CSMD1: variants seen among roughly 807,000 people sequenced by gnomAD.
CSMD1 encodes the protein CUB and Sushi multiple domains 1.
CSMD1 carries 213 observed loss-of-function variants against 417.5 expected under a neutral mutation model. That is an observed-to-expected ratio of 0.51 (90% CI 0.46 to 0.57). CSMD1 has a LOEUF of 0.57. CSMD1 is among the 20% of genes least tolerant of loss of function. The pLI is 0.00. For synonymous variants in CSMD1, 2,862 were observed against 1,736.8 expected, an observed-to-expected ratio of 1.65 and a Z score of -16.11; for missense variants, 6,923 against 4,529.7, an observed-to-expected ratio of 1.53 and a Z score of -15.17.
intron 27 of CSMD1, among the ~76,000 whole-genome samples, chr8:3,226,818 A>C (rs1798531703): frequency 6.6e-6 from 1 of 152,158 alleles, no homozygotes; most frequent in Non-Finnish European, 1.5e-5. Flanking sequence ...AGATTTTATA[A>C]AAGGGAAAGA....
At chr8:4,350,360 G>C (rs1174351566) in intron 3 of CSMD1, among the ~76,000 whole-genome samples, 2 of 152,108 alleles carry the variant, frequency 1.3e-5, no homozygotes, top group Non-Finnish European at 2.9e-5. Flanking sequence ...CCAAGAAATG[G>C]AGAAAAATCA....
intron 3 of CSMD1, among the ~76,000 whole-genome samples, chr8:4,049,685 G>A (rs1585206275): frequency 6.6e-6 from 1 of 152,018 alleles, no homozygotes; most frequent in African/African-American, 2.4e-5. Context: ...ATATTTTTAT[G>A]AATTCTTAAT....
chr8:3,764,597 G>A (rs534029060), intron 5 of CSMD1, among the ~76,000 whole-genome samples: 3 of 152,188 alleles, frequency 2.0e-5, no homozygotes, highest in Middle Eastern at 3.4e-3. Flanking sequence ...CTCTTGGATG[G>A]CAGTTTCCTT....
intron 5 of CSMD1, among the ~76,000 whole-genome samples, chr8:3,941,505 T>A (rs891542229): frequency 3.9e-5 from 6 of 152,170 alleles, no homozygotes; most frequent in African/African-American, 1.4e-4. Context: ...TAAAAGGAGC[T>A]TTGATTTAAA....
chr8:3,587,609 C>T (rs527764139), intron 8 of CSMD1, among the ~76,000 whole-genome samples: 23 of 152,226 alleles, frequency 1.5e-4, no homozygotes, highest in African/African-American at 5.1e-4. Context: ...GCATCCCCCA[C>T]GGCATCTATG....
chr8:4,974,645 G>T (rs958409435), intron 1 of CSMD1, among the ~76,000 whole-genome samples: 24 of 152,162 alleles, frequency 1.6e-4, no homozygotes, highest in Admixed American at 8.5e-4. Context: ...GGAATATGCA[G>T]TTGGAAGGCA....
intron 3 of CSMD1, among the ~76,000 whole-genome samples, chr8:4,044,305 T>C (rs1798038357): frequency 6.6e-6 from 1 of 152,196 alleles, no homozygotes; most frequent in African/African-American, 2.4e-5. Context: ...AAATCATCTC[T>C]GAAAATTGAT....
rs549935537 is a variant in CSMD1 at position 3,660,645 on chromosome 8, T to C, written c.1010-43848A>G. ...AAGCGATTCTCCTACCTCAGCCTCC[T>C]GAGTAGCTGGGATTACAGGGTCCCT... On this transcript the variant is annotated intron_variant, in intron 7 of 69. Transcript: ENST00000635120. 2.6e-5 allele frequency among the ~76,000 whole-genome samples: 4 copies of C among 151,472 alleles called. No homozygotes were observed. In the South Asian group the frequency reaches 6.3e-4, roughly 24 times the overall value.
chr8:4,615,068 A>G (rs1389908005), intron 2 of CSMD1, among the ~76,000 whole-genome samples: 1 of 152,214 alleles, frequency 6.6e-6, no homozygotes, highest in Non-Finnish European at 1.5e-5. Flanking sequence ...TATTTGTCTC[A>G]GATCTACAAA....
chr8:4,620,179 G>C (rs1307971527), intron 2 of CSMD1, among the ~76,000 whole-genome samples: 1 of 151,516 alleles, frequency 6.6e-6, no homozygotes, highest in Non-Finnish European at 1.5e-5. Context: ...ATTGTGTTTG[G>C]TGTTCAGAAA....
chr8:4,724,826 T>C (rs1485100497), intron 1 of CSMD1, among the ~76,000 whole-genome samples: 1 of 152,144 alleles, frequency 6.6e-6, no homozygotes, highest in African/African-American at 2.4e-5. Flanking sequence ...AAGTTGAATA[T>C]AGCCTGTATG....
At chr8:4,911,408 C>G (rs1805661400) in intron 1 of CSMD1, among the ~76,000 whole-genome samples, 1 of 152,156 alleles carries the variant, frequency 6.6e-6, no homozygotes, top group African/African-American at 2.4e-5. Flanking sequence ...TTAGGTAATT[C>G]CCTTGACCTC....
intron 9 of CSMD1, among the ~76,000 whole-genome samples, chr8:3,575,376 C>A (rs537873306): frequency 2.0e-5 from 3 of 152,254 alleles, no homozygotes; most frequent in South Asian, 2.1e-4. Context: ...TAGCCCATTT[C>A]AAATCCCAGT....
intron 5 of CSMD1, among the ~76,000 whole-genome samples, chr8:3,815,335 A>G (rs1454596071): frequency 1.3e-5 from 2 of 152,134 alleles, no homozygotes; most frequent in African/African-American, 4.8e-5. Flanking sequence ...CAAATCATGC[A>G]TTTTCGGAAC....
intron 2 of CSMD1, among the ~76,000 whole-genome samples, chr8:4,429,590 C>T (rs1797755913): frequency 6.6e-6 from 1 of 152,088 alleles, no homozygotes; most frequent in Non-Finnish European, 1.5e-5. Flanking sequence ...ATTTAGGAGG[C>T]AAAGAAAGTC....
At chr8:3,145,222 T>C (rs923448956) in intron 40 of CSMD1, among the ~76,000 whole-genome samples, 23 of 152,076 alleles carry the variant, frequency 1.5e-4, no homozygotes, top group African/African-American at 5.3e-4. Flanking sequence ...ACCTGCTGAA[T>C]TGCTGGCACT....
intron 11 of CSMD1, among the ~76,000 whole-genome samples, chr8:3,490,339 T>C (rs1021999780): frequency 1.3e-5 from 2 of 152,206 alleles, no homozygotes; most frequent in African/African-American, 4.8e-5. Flanking sequence ...TAGTTTGCAA[T>C]TGCTTTCTTA....
chr8:4,943,241 A>T (rs560235152), intron 1 of CSMD1, among the ~76,000 whole-genome samples: 15 of 152,106 alleles, frequency 9.9e-5, no homozygotes, highest in South Asian at 2.1e-4. Context: ...CATGCTTGTA[A>T]TCCCAGCACT....
intron 3 of CSMD1, among the ~76,000 whole-genome samples, chr8:4,257,294 T>C (rs1464672257): frequency 1.3e-5 from 2 of 152,208 alleles, no homozygotes; most frequent in Non-Finnish European, 2.9e-5. Context: ...TTATGGCTTA[T>C]TATTTTACAA....
Sources: gnomAD v4.1 joint callset for allele counts (sites outside exome capture counted in the v4.1 genomes callset) on GRCh38, gnomAD v4.1.1 for gene constraint, MANE v1.5 for transcripts, NCBI Gene and HGNC (gene_info 2026-07-23, HGNC 2026-07-21) for gene names.